Variants in CD2AP observed in about 807,000 individuals in gnomAD.
CD2AP encodes CD2-associated protein.
Under a neutral mutation model 85.1 loss-of-function variants are expected in CD2AP, and 46 were observed. The ratio of observed to expected loss-of-function variants is 0.54; its 90% CI spans 0.43 to 0.69. The LOEUF (loss-of-function observed/expected upper bound fraction) is 0.69, where lower values mean the gene tolerates loss of function less well. Among genes scored for constraint, CD2AP ranks in the 30% least tolerant of loss-of-function variants. CD2AP has a pLI of 0.00. For synonymous variants in CD2AP, 255 were observed against 252.9 expected (o/e 1.01, Z -0.08); for missense variants, 769 against 729.5 (o/e 1.05, Z -0.62).
intron 2 of CD2AP, among the ~76,000 whole-genome samples, chr6:47,510,848 G>T (rs2113992591): frequency 1.3e-5 from 2 of 152,122 alleles, no homozygotes; most frequent in South Asian, 4.2e-4. Context: ...GCCGAGGTGG[G>T]CAGATTACGA....
At chr6:47,588,436 T>C (rs1483089674) in intron 11 of CD2AP, among the ~76,000 whole-genome samples, 2 of 152,160 alleles carry the variant, frequency 1.3e-5, no homozygotes, top group Non-Finnish European at 2.9e-5. Context: ...TGAAGGATTC[T>C]TTAAAATCTG....
chr6:47,496,664 G>A (rs1765864172), intron 1 of CD2AP, among the ~76,000 whole-genome samples: 1 of 152,080 alleles, frequency 6.6e-6, no homozygotes, highest in African/African-American at 2.4e-5. Flanking sequence ...AATACTAAAT[G>A]ACTTACAAAC....
chr6:47,573,961 A>T, intron 5 of CD2AP, 103 bp from the exon 6 acceptor site: 1 of 1,005,702 alleles, frequency 9.9e-7, no homozygotes, highest in African/African-American at 1.6e-5. Flanking sequence ...TTTTTTTTCT[A>T]CTGTGTTTTA....
intron 1 of CD2AP, among the ~76,000 whole-genome samples, chr6:47,497,982 A>G (rs1156540573): frequency 4.6e-5 from 7 of 152,042 alleles, no homozygotes; most frequent in African/African-American, 1.4e-4. Context: ...TGGTGCCACT[A>G]TTTCTTGGAT....
At chr6:47,539,302 G>T (rs1455294248) in intron 3 of CD2AP, among the ~76,000 whole-genome samples, 1 of 152,184 alleles carries the variant, frequency 6.6e-6, no homozygotes, top group Non-Finnish European at 1.5e-5. Flanking sequence ...AGATGAAAAG[G>T]TAATTTTGTA....
intron 11 of CD2AP, among the ~76,000 whole-genome samples, chr6:47,593,835 T>C (rs1300626523): frequency 6.6e-6 from 1 of 152,096 alleles, no homozygotes; most frequent in Non-Finnish European, 1.5e-5. Context: ...CTCTCGTGTA[T>C]TGTATGTAAA....
chr6:47,549,460 CAAAAAAA>C (rs67626138), intron 4 of CD2AP, among the ~76,000 whole-genome samples: 2 of 110,712 alleles, frequency 1.8e-5, no homozygotes, highest in African/African-American at 3.4e-5. Context: ...ACAATAGCTG[CAAAAAAA>C]AAAAAAAAAA....
chr6:47,567,933 G>A (rs1768045890), intron 5 of CD2AP, among the ~76,000 whole-genome samples: 1 of 152,188 alleles, frequency 6.6e-6, no homozygotes, highest in South Asian at 2.1e-4. Context: ...GTAGATTGGA[G>A]AAGAGACTGA....
intron 13 of CD2AP, among the ~76,000 whole-genome samples, chr6:47,601,878 G>T (rs1158805856): frequency 6.6e-6 from 1 of 151,806 alleles, no homozygotes; most frequent in East Asian, 1.9e-4. Flanking sequence ...TTAATAAAAG[G>T]GGTTTTATTT....
rs963932801 is a variant in CD2AP at position 47,596,086 on chromosome 6, T to C, written c.1274+60T>C. On this transcript the variant is annotated intron_variant, in intron 12 of 17. Coordinates refer to ENST00000359314, the MANE Select transcript of CD2AP (RefSeq NM_012120.3). ...TTTACTCACCTTTGACCTTAATGGC[T>C]CTATTGCCTTTCTAAATCTCCAGGT... 7.6e-6 allele frequency: 9 copies of C among 1,179,434 alleles called. No individual in the cohort carries two copies. In the African/African-American group the frequency reaches 1.2e-4, roughly 16 times the overall value. The allele number at this position is 1,179,434 out of a possible 1,614,324, so 73.1% of individuals were successfully genotyped here.
At chr6:47,534,311 A>G (rs1439177708) in intron 3 of CD2AP, among the ~76,000 whole-genome samples, 1 of 152,182 alleles carries the variant, frequency 6.6e-6, no homozygotes, top group Non-Finnish European at 1.5e-5. Context: ...GTTGAGTTTT[A>G]TTTGCTGCTA....
chr6:47,514,750 G>A (rs1766410830), intron 2 of CD2AP, among the ~76,000 whole-genome samples: 2 of 152,254 alleles, frequency 1.3e-5, no homozygotes, highest in Middle Eastern at 6.8e-3. Context: ...CTTTCAGAAA[G>A]GGGATTAAAA....
At chr6:47,504,993 G>A (rs888855711) in intron 2 of CD2AP, among the ~76,000 whole-genome samples, 2 of 149,148 alleles carry the variant, frequency 1.3e-5, no homozygotes, top group Non-Finnish European at 3.0e-5. Context: ...CTGAAGGCTG[G>A]GGTGGCTGTG....
chr6:47,603,830 T>A (rs1769204174), intron 13 of CD2AP, among the ~76,000 whole-genome samples: 1 of 152,090 alleles, frequency 6.6e-6, no homozygotes, highest in African/African-American at 2.4e-5. Flanking sequence ...CTTCTCCATT[T>A]TGGTAAGATG....
At chr6:47,605,280 A>G (rs950749809) in intron 13 of CD2AP, among the ~76,000 whole-genome samples, 1 of 152,002 alleles carries the variant, frequency 6.6e-6, no homozygotes, top group African/African-American at 2.4e-5. Context: ...AAGTATCTGT[A>G]GCAGTTTACC....
intron 2 of CD2AP, among the ~76,000 whole-genome samples, chr6:47,523,508 A>G (rs1295483669): frequency 1.3e-5 from 2 of 152,168 alleles, no homozygotes; most frequent in African/African-American, 4.8e-5. Flanking sequence ...ATAAGTAAAA[A>G]TAAAAATAAA....
In CD2AP at chr6:47,624,404, C is replaced by A; in HGVS notation, c.*177C>A. On this transcript the variant is annotated 3_prime_UTR_variant, in exon 18 of 18. Coordinates refer to ENST00000359314, the MANE Select transcript of CD2AP (RefSeq NM_012120.3). ...GAATTTATATATATATTTTGTTTTG[C>A]CAATATGAAGAAAAAGAGGCCTTAT... The A allele has an allele frequency of 3.5e-6, 2 of 564,502 alleles. No individual in the cohort carries two copies. The highest frequency in any genetic ancestry group is 6.4e-5 in the Admixed American group (2 of 31,340). 35.0% of individuals were successfully genotyped at this position (564,502 alleles called of 1,614,324 possible).
At chr6:47,480,747 C>T (rs893485966) in intron 1 of CD2AP, among the ~76,000 whole-genome samples, 1 of 152,046 alleles carries the variant, frequency 6.6e-6, no homozygotes, top group Admixed American at 6.5e-5. Flanking sequence ...AAAAAAATCT[C>T]AATTTTTGAC....
chr6:47,593,973 A>C (rs1402052535), intron 11 of CD2AP, among the ~76,000 whole-genome samples: 1 of 152,118 alleles, frequency 6.6e-6, no homozygotes, highest in Non-Finnish European at 1.5e-5. Flanking sequence ...AAAGGAATGA[A>C]ATACTGCTAT....
Sources: gnomAD v4.1 joint callset for allele counts (sites outside exome capture counted in the v4.1 genomes callset) on GRCh38, gnomAD v4.1.1 for gene constraint, MANE v1.5 for transcripts, NCBI Gene and HGNC (gene_info 2026-07-23, HGNC 2026-07-21) for gene names.